NECAB1: variants seen among roughly 807,000 people sequenced by gnomAD.
The protein encoded by NECAB1 is N-terminal EF-hand calcium-binding protein 1.
NECAB1 carries 29 observed loss-of-function variants against 57.5 expected under a neutral mutation model. The ratio of observed to expected loss-of-function variants is 0.50; its 90% CI spans 0.38 to 0.69. NECAB1 has a LOEUF of 0.69. Ranked by LOEUF, NECAB1 falls within the 30% of genes least tolerant of loss-of-function variation. NECAB1 has a pLI of 0.00. For synonymous variants in NECAB1, 142 were observed against 147.7 expected (o/e 0.96, Z 0.28); for missense variants, 372 against 413.8 (o/e 0.90, Z 0.88).
chr8:90,925,671 A>G lies in NECAB1; in HGVS notation c.616+15A>G, dbSNP rs770345068. The G allele has an allele frequency of 1.9e-6, 3 of 1,612,878 alleles. No homozygotes were observed. Among genetic ancestry groups the G allele is most frequent in the East Asian group, 4.5e-5 (2 of 44,822 alleles). ...CAGCGGTCCAGGTAACATACCCTTCATTTGTTTTTATTTGTCAAAGTCTAT... is the reference window on the plus strand; with the variant it reads ...CAGCGGTCCAGGTAACATACCCTTCGTTTGTTTTTATTTGTCAAAGTCTAT... On this transcript the variant is annotated intron_variant, in intron 7 of 12. Transcript: ENST00000417640.
intron 4 of NECAB1, among the ~76,000 whole-genome samples, chr8:90,872,712 A>G (rs1182006224): frequency 6.6e-6 from 1 of 152,190 alleles, no homozygotes; most frequent in African/African-American, 2.4e-5. Flanking sequence ...AAATATGGAA[A>G]GGTAAAATTT....
At chr8:90,845,326 C>A (rs1197085347) in intron 3 of NECAB1, among the ~76,000 whole-genome samples, 1 of 152,144 alleles carries the variant, frequency 6.6e-6, no homozygotes, top group Non-Finnish European at 1.5e-5. Context: ...TAACAGCAGC[C>A]TACTCAGTAC....
intron 3 of NECAB1, among the ~76,000 whole-genome samples, chr8:90,830,589 A>G (rs371529780): frequency 6.6e-6 from 1 of 152,126 alleles, no homozygotes; most frequent in Admixed American, 6.6e-5. Context: ...TGAACTGGCC[A>G]TCAGTAAACT....
intron 5 of NECAB1, among the ~76,000 whole-genome samples, chr8:90,886,263 G>A (rs1006993442): frequency 4.7e-4 from 71 of 151,882 alleles, no homozygotes; most frequent in African/African-American, 1.6e-3. Flanking sequence ...TAAAGGATCC[G>A]AAAGCATTCC....
At chr8:90,797,206 A>T (rs183768535) in intron 1 of NECAB1, among the ~76,000 whole-genome samples, 1 of 152,098 alleles carries the variant, frequency 6.6e-6, no homozygotes, top group East Asian at 1.9e-4. Flanking sequence ...TTTAAGCATA[A>T]CTCTTACTAT....
intron 1 of NECAB1, among the ~76,000 whole-genome samples, chr8:90,799,613 G>C (rs1563490391): frequency 1.3e-5 from 2 of 152,170 alleles, no homozygotes; most frequent in South Asian, 4.2e-4. Context: ...AGATCAGCTG[G>C]CTGTAAGTGT....
intron 3 of NECAB1, among the ~76,000 whole-genome samples, chr8:90,860,775 A>C (rs1258438916): frequency 1.3e-5 from 2 of 152,210 alleles, no homozygotes; most frequent in Non-Finnish European, 2.9e-5. Context: ...GATAGAACAC[A>C]TGCAGGGCAT....
rs149091722 is a variant in NECAB1, at chr8:90,804,484, C to T, written c.124+2769C>T. ...ATATAGCTAATCATTGAGTTCTGTA[C>T]ATTTTAGTACCACCGAGAGTAAATT... is the stretch of plus-strand genomic sequence containing the variant. On this transcript the variant is annotated intron_variant, in intron 2 of 12. Coordinates refer to ENST00000417640, the MANE Select transcript of NECAB1 (RefSeq NM_022351.5). Among the ~76,000 whole-genome samples, 14 of 144,934 alleles carry T rather than the reference C, an allele frequency of 9.7e-5. No individual in the cohort carries two copies. The East Asian group carries it at 2.7e-3, about 28-fold the overall frequency.
intron 2 of NECAB1, among the ~76,000 whole-genome samples, chr8:90,815,115 C>T (rs550592821): frequency 6.6e-6 from 1 of 152,156 alleles, no homozygotes; most frequent in African/African-American, 2.4e-5. Context: ...GGCTCCTAGC[C>T]TCAGCCACCT....
chr8:90,804,105 A>G (rs1481082354), intron 2 of NECAB1, among the ~76,000 whole-genome samples: 3 of 152,202 alleles, frequency 2.0e-5, no homozygotes, highest in African/African-American at 7.2e-5. Context: ...TTACAAGTAG[A>G]TGGTATGCCC....
At chr8:90,849,483 C>CTTTTTT (rs5893138) in intron 3 of NECAB1, among the ~76,000 whole-genome samples, 1 of 113,426 alleles carries the variant, frequency 8.8e-6, no homozygotes, top group Non-Finnish European at 1.7e-5. Flanking sequence ...AAGAAAAATG[C>CTTTTTT]TTTTTTTTTT....
chr8:90,893,719 A>G (rs1051392681), intron 5 of NECAB1, among the ~76,000 whole-genome samples: 1 of 152,220 alleles, frequency 6.6e-6, no homozygotes, highest in Non-Finnish European at 1.5e-5. Flanking sequence ...CCAGCAGTGC[A>G]GGAGGCAATC....
Position 90,842,367 on chromosome 8 carries a change from C to CT in NECAB1, c.233+17550dup, listed in dbSNP as rs548978079. Among the ~76,000 whole-genome samples the CT allele has an allele frequency of 8.0e-4, 121 of 152,048 alleles. No homozygotes were observed. In the South Asian group the frequency reaches 0.013, roughly 17 times the overall value. ...GCCTAACGAAGAGATGTGATGTTGC[C>CT]TTTTTTTTGAAATTTTCCATTGTTT... On this transcript the variant is annotated intron_variant, in intron 3 of 12. Transcript: ENST00000417640.
At chr8:90,902,616 A>G (rs1809535355) in intron 5 of NECAB1, among the ~76,000 whole-genome samples, 2 of 152,060 alleles carry the variant, frequency 1.3e-5, no homozygotes, top group Admixed American at 1.3e-4. Context: ...AAGTTTATCA[A>G]TAGTTAAATA....
chr8:90,850,389 A>G (rs1812661105), intron 3 of NECAB1, among the ~76,000 whole-genome samples: 1 of 152,208 alleles, frequency 6.6e-6, no homozygotes, highest in South Asian at 2.1e-4. Context: ...TAGGATATTG[A>G]GTAAGGAATC....
chr8:90,798,792 T>C (rs984603090), intron 1 of NECAB1, among the ~76,000 whole-genome samples: 3 of 152,196 alleles, frequency 2.0e-5, no homozygotes, highest in Non-Finnish European at 4.4e-5. Context: ...GTACAATGAT[T>C]TATTTACTTT....
rs1218503009 is a variant in NECAB1, at chr8:90,958,334, A to G, written c.*2822A>G. On this transcript the variant is annotated 3_prime_UTR_variant, in exon 13 of 13. Coordinates refer to ENST00000417640, the MANE Select transcript of NECAB1 (RefSeq NM_022351.5). Reference sequence around the variant, plus strand: ...ATATGGTCTGATTAGTGACATAAGTAGCAGCCGTTTTTCAACTTCAGTTTC... The same window carrying G: ...ATATGGTCTGATTAGTGACATAAGTGGCAGCCGTTTTTCAACTTCAGTTTC... 1 of 151,694 alleles carries G rather than the reference A, an allele frequency of 6.6e-6. No homozygotes were observed. Among genetic ancestry groups the G allele is most frequent in the African/African-American group, 2.4e-5 (1 of 41,410 alleles). The allele number at this position is 151,694 out of a possible 1,614,324, so 9.4% of individuals were successfully genotyped here.
chr8:90,849,533 A>G (rs1189188242), intron 3 of NECAB1, among the ~76,000 whole-genome samples: 2 of 109,028 alleles, frequency 1.8e-5, no homozygotes, highest in African/African-American at 6.9e-5. Flanking sequence ...CATTTGTTCT[A>G]TAGTTGAGTG....
intron 5 of NECAB1, among the ~76,000 whole-genome samples, chr8:90,890,547 A>G (rs935506359): frequency 1.3e-5 from 2 of 152,204 alleles, no homozygotes; most frequent in African/African-American, 4.8e-5. Flanking sequence ...TTTAGAACTA[A>G]GCCACATATA....
Sources: gnomAD v4.1 joint callset for allele counts (sites outside exome capture counted in the v4.1 genomes callset) on GRCh38, gnomAD v4.1.1 for gene constraint, MANE v1.5 for transcripts, NCBI Gene and HGNC (gene_info 2026-07-23, HGNC 2026-07-21) for gene names.